Variants in EVC observed in about 807,000 individuals in gnomAD.
EVC encodes the protein evC complex member EVC.
Under a neutral mutation model 118.9 loss-of-function variants are expected in EVC, and 116 were observed. That is an observed-to-expected ratio of 0.98 (90% CI 0.84 to 1.14). EVC has a LOEUF of 1.14. Ranked by LOEUF, EVC falls within the 50% of genes most tolerant of loss-of-function variation. The pLI is 0.00. For missense variants in EVC, 1,401 were observed against 1,246.4 expected, an observed-to-expected ratio of 1.12 and a Z score of -1.87; for synonymous variants, 619 against 534.7, an observed-to-expected ratio of 1.16 and a Z score of -2.18.
chr4:5,742,210 G>C lies in EVC; in HGVS notation c.801+396G>C, dbSNP rs1251739980. On this transcript the variant is annotated intron_variant, in intron 6 of 20. Coordinates refer to ENST00000264956, the MANE Select transcript of EVC (RefSeq NM_153717.3). This position sits in a 1 kb window ranked among gnomAD's most constrained non-coding sequence, Gnocchi z 5.2. ...AGGCGCAGCAAAGAGTCAGGGCTTG[G>C]AGTCAGACTGGTTGAGGTTGGTATC... Among the ~76,000 whole-genome samples, 1 of 152,156 alleles carries C rather than the reference G, an allele frequency of 6.6e-6. No individual in the cohort carries two copies. The highest frequency in any genetic ancestry group is 1.9e-4 in the East Asian group (1 of 5,186).
chr4:5,780,474 AATT>A (rs1735421822), intron 11 of EVC, among the ~76,000 whole-genome samples: 2 of 152,056 alleles, frequency 1.3e-5, no homozygotes, highest in Admixed American at 6.5e-5. Flanking sequence ...AAATGATAAT[AATT>A]ATAATAGAAT....
intron 11 of EVC, among the ~76,000 whole-genome samples, chr4:5,770,124 T>G (rs2152206104): frequency 6.6e-6 from 1 of 152,160 alleles, no homozygotes; most frequent in Admixed American, 6.5e-5. Flanking sequence ...AGGGCAGCAC[T>G]TACTCCCCCT....
At chr4:5,817,897 A>G (rs564282179), downstream of EVC, among the ~76,000 whole-genome samples, 4 of 152,316 alleles carry the variant, frequency 2.6e-5, no homozygotes, top group African/African-American at 9.6e-5. Flanking sequence ...CTTTACGTAG[A>G]TGAAGGAAAA....
the EVC span, chr4:5,825,332 A>G: frequency 4.1e-6 from 4 of 983,492 alleles, no homozygotes; most frequent in African/African-American, 1.8e-5. This position sits in a 1 kb window ranked among gnomAD's most constrained non-coding sequence, Gnocchi z 4.4. Flanking sequence ...ATGCCAGCCC[A>G]CTCTGCCCCA....
chr4:5,771,493 T>C lies in EVC; in HGVS notation c.1564-12059T>C, dbSNP rs1299443626. ...AACTCAGTCCCACCTGCGAAGTCTC[T>C]TTACCATGTAAAGTTCCGTGCTCAA... is the stretch of plus-strand genomic sequence containing the variant. On this transcript the variant is annotated intron_variant, in intron 11 of 20. Coordinates refer to ENST00000264956, the MANE Select transcript of EVC (RefSeq NM_153717.3). Among the ~76,000 whole-genome samples, 3 of 151,846 alleles carry C rather than the reference T, an allele frequency of 2.0e-5. No homozygotes were observed. The East Asian group carries it at 5.8e-4, about 29-fold the overall frequency.
intron 2 of EVC, among the ~76,000 whole-genome samples, chr4:5,725,538 G>C (rs562042509): frequency 4.4e-4 from 67 of 152,266 alleles, no homozygotes; most frequent in African/African-American, 1.5e-3. Flanking sequence ...AGAAATGTCT[G>C]TTCATGTCCT....
intron 5 of EVC, among the ~76,000 whole-genome samples, chr4:5,735,897 T>C (rs1727592931): frequency 1.3e-5 from 2 of 152,158 alleles, no homozygotes; most frequent in African/African-American, 2.4e-5. Flanking sequence ...AACTCTATCG[T>C]CGTGTGCTGG....
intron 12 of EVC, among the ~76,000 whole-genome samples, chr4:5,790,919 C>A (rs1465940090): frequency 6.6e-6 from 1 of 152,034 alleles, no homozygotes; most frequent in East Asian, 1.9e-4. Flanking sequence ...CATGGTGAAA[C>A]CCTGTCTCTA....
In EVC at chr4:5,720,455, C is replaced by T. The variant is rs116796481; in HGVS notation, c.300+1082C>T. Among the ~76,000 whole-genome samples, 1,130 of 152,276 alleles carry T rather than the reference C, an allele frequency of 7.4e-3. 17 individuals are homozygous for T. Among genetic ancestry groups the T allele is most frequent in the African/African-American group, 0.026 (1,072 of 41,540 alleles). ...TTTGCCAGGCCCCTGCTCCAGAGTGCTGCGTCCCCACACCCAACTTCTAGC... is the reference window on the plus strand; with the variant it reads ...TTTGCCAGGCCCCTGCTCCAGAGTGTTGCGTCCCCACACCCAACTTCTAGC... On this transcript the variant is annotated intron_variant, in intron 2 of 20. Coordinates refer to ENST00000264956, the MANE Select transcript of EVC (RefSeq NM_153717.3).
the EVC span, chr4:5,825,659 C>G: frequency 6.2e-7 from 1 of 1,612,616 alleles, no homozygotes; most frequent in Non-Finnish European, 8.5e-7. The surrounding 1 kb of genome is among the most constrained non-coding windows in gnomAD (Gnocchi z 4.4). Context: ...AATCCAAAAA[C>G]CTAAACAGAG....
intron 1 of EVC, among the ~76,000 whole-genome samples, chr4:5,714,123 C>G (rs1723544785): frequency 6.6e-6 from 1 of 152,198 alleles, no homozygotes. Context: ...CTCTATCCTG[C>G]TCAGCCCTCA....
intron 3 of EVC, among the ~76,000 whole-genome samples, chr4:5,730,648 A>G (rs1264371201): frequency 2.0e-5 from 3 of 151,980 alleles, no homozygotes; most frequent in Non-Finnish European, 4.4e-5. Context: ...GAAATAGGCA[A>G]GAGGCAGATC....
intron 5 of EVC, among the ~76,000 whole-genome samples, chr4:5,736,520 T>TC (rs1217586701): frequency 1.3e-5 from 2 of 151,914 alleles, no homozygotes; most frequent in Non-Finnish European, 2.9e-5. Context: ...TTTTTTTTTT[T>TC]TTTTTACAAA....
chr4:5,772,342 CG>C, intron 11 of EVC, among the ~76,000 whole-genome samples: 1 of 147,876 alleles, frequency 6.8e-6, no homozygotes, highest in Non-Finnish European at 1.5e-5. Context: ...CAAAGAGGTA[CG>C]GGGGAGAGAA....
rs1727035485 is a variant in EVC, at chr4:5,732,825, C to T, written c.618-526C>T. ...GGGAGTTTAAGACCAGCCCAGGCAACATAGTGAGACCCCATCTCTAAAATA... is the reference window on the plus strand; with the variant it reads ...GGGAGTTTAAGACCAGCCCAGGCAATATAGTGAGACCCCATCTCTAAAATA... On this transcript the variant is annotated intron_variant, in intron 4 of 20. Transcript: ENST00000264956. Among the ~76,000 whole-genome samples, 3 of 152,070 alleles carry T rather than the reference C, an allele frequency of 2.0e-5. No individual in the cohort carries two copies. In the South Asian group the frequency reaches 6.2e-4, roughly 32 times the overall value.
chr4:5,796,344 G>C (rs1166095248), intron 13 of EVC, among the ~76,000 whole-genome samples: 1 of 151,984 alleles, frequency 6.6e-6, no homozygotes, highest in African/African-American at 2.4e-5. Flanking sequence ...TTTATTGGAT[G>C]ATGACCACTA....
At position 5,742,554 on chromosome 4, in the gene EVC, T is replaced by A. The variant is rs1432417212; in HGVS notation, c.801+740T>A. Among the ~76,000 whole-genome samples the A allele has an allele frequency of 6.6e-6, 1 of 152,176 alleles. No homozygotes were observed. Among genetic ancestry groups the A allele is most frequent in the East Asian group, 1.9e-4 (1 of 5,196 alleles). On this transcript the variant is annotated intron_variant, in intron 6 of 20. Coordinates refer to ENST00000264956, the MANE Select transcript of EVC (RefSeq NM_153717.3). This position sits in a 1 kb window ranked among gnomAD's most constrained non-coding sequence, Gnocchi z 5.2. Reference sequence around the variant, plus strand: ...CCATCATCTTTGCTATTGTCACCACTGACATCATCATTCTTTGTCTTTACC... The same window carrying A: ...CCATCATCTTTGCTATTGTCACCACAGACATCATCATTCTTTGTCTTTACC...
In EVC at chr4:5,754,070, G is replaced by A. The variant is rs990201631; in HGVS notation, c.1464+137G>A. 24 of 1,140,478 alleles carry A rather than the reference G, an allele frequency of 2.1e-5. No individual in the cohort carries two copies. The South Asian group carries it at 2.4e-4, about 11-fold the overall frequency. The allele number at this position is 1,140,478 out of a possible 1,614,324, so 70.6% of individuals were successfully genotyped here. On this transcript the variant is annotated intron_variant, in intron 10 of 20. Transcript: ENST00000264956. The surrounding 1 kb of genome is among the most constrained non-coding windows in gnomAD (Gnocchi z 5.8). The stretch of plus-strand genomic sequence containing the variant: ...CTTCCCATGTGTCAGCCGAGTGACC[G>A]AATCTCAGTCCCTTAGCCCCTACAT...
At chr4:5,748,119 A>G (rs750986430) in intron 7 of EVC, 29 bp from the exon 8 acceptor site, 2 of 1,613,920 alleles carry the variant, frequency 1.2e-6, no homozygotes, top group Admixed American at 1.7e-5. Context: ...TTTTCACCTC[A>G]CTTCTTGCTG....
Sources: gnomAD v4.1 joint callset for allele counts (sites outside exome capture counted in the v4.1 genomes callset) on GRCh38, gnomAD v4.1.1 for gene constraint, Gnocchi (gnomAD v3.1) non-coding constraint, MANE v1.5 for transcripts, NCBI Gene and HGNC (gene_info 2026-07-23, HGNC 2026-07-21) for gene names.